The following CRLF3 variants were observed in gnomAD, a reference collection of about 807,000 sequenced individuals.
CRLF3 encodes cytokine receptor like factor 3, also known as cytokine receptor-like factor 3.
In CRLF3, 33 loss-of-function variants were observed where a neutral mutation model predicts 55.0. The ratio of observed to expected loss-of-function variants is 0.60; its 90% CI spans 0.46 to 0.80. The LOEUF (loss-of-function observed/expected upper bound fraction) is 0.80, where lower values mean the gene tolerates loss of function less well. CRLF3 is among the 30% of genes least tolerant of loss of function. CRLF3 has a pLI of 0.00. For missense variants in CRLF3, 494 were observed against 538.4 expected, an observed-to-expected ratio of 0.92 and a Z score of 0.82; for synonymous variants, 238 against 196.8, an observed-to-expected ratio of 1.21 and a Z score of -1.75.
chr17:30,824,223 C>T (rs539498153), intron 1 of CRLF3, among the ~76,000 whole-genome samples: 1 of 151,894 alleles, frequency 6.6e-6, no homozygotes, highest in Non-Finnish European at 1.5e-5. Context: ...ATGACCCCCT[C>T]GGATTCTGCT....
At chr17:30,804,244 A>G in intron 1 of CRLF3, 136 bp from the exon 2 acceptor site, 4 of 647,258 alleles carry the variant, frequency 6.2e-6, no homozygotes, top group Non-Finnish European at 1.1e-5. Flanking sequence ...CTGAAATTAT[A>G]TTTAAGGTGT....
At chr17:30,788,100 G>T (rs370963976) in intron 6 of CRLF3, among the ~76,000 whole-genome samples, 1 of 151,958 alleles carries the variant, frequency 6.6e-6, no homozygotes, top group African/African-American at 2.4e-5. Context: ...AGGCCGAGGT[G>T]GGCGGATCAC....
At chr17:30,789,853 G>A (rs1971748606) in intron 6 of CRLF3, among the ~76,000 whole-genome samples, 1 of 152,142 alleles carries the variant, frequency 6.6e-6, no homozygotes, top group Admixed American at 6.6e-5. Flanking sequence ...CTCTGTCATT[G>A]CACAGAAATA....
chr17:30,793,772 C>G (rs1971860954), intron 4 of CRLF3, 100 bp from the exon 5 acceptor site: 2 of 712,674 alleles, frequency 2.8e-6, no homozygotes, highest in Admixed American at 5.0e-5. Flanking sequence ...ACCAAGCAGA[C>G]AGGCCCACAT....
intron 4 of CRLF3, among the ~76,000 whole-genome samples, chr17:30,795,308 C>A (rs1353461204): frequency 6.8e-6 from 1 of 147,842 alleles, no homozygotes; most frequent in African/African-American, 2.5e-5. Context: ...TGGAGAAACT[C>A]TGTCTCTACT....
At chr17:30,812,844 G>C (rs1346322082) in intron 1 of CRLF3, among the ~76,000 whole-genome samples, 1 of 152,164 alleles carries the variant, frequency 6.6e-6, no homozygotes, top group African/African-American at 2.4e-5. Flanking sequence ...GAGAGGACAA[G>C]GGGAAAGAGA....
At chr17:30,820,715 C>T (rs1441452263) in intron 1 of CRLF3, among the ~76,000 whole-genome samples, 1 of 151,376 alleles carries the variant, frequency 6.6e-6, no homozygotes, top group East Asian at 1.9e-4. Flanking sequence ...TCTCTTGAAC[C>T]CAAGAGGCGG....
At chr17:30,808,692 AAGC>A (rs1390285352) in intron 1 of CRLF3, among the ~76,000 whole-genome samples, 1 of 151,968 alleles carries the variant, frequency 6.6e-6, no homozygotes, top group African/African-American at 2.4e-5. Flanking sequence ...TCCCAGGTTC[AAGC>A]AGTTCTCCTG....
chr17:30,812,427 A>G (rs1040174600), intron 1 of CRLF3, among the ~76,000 whole-genome samples: 4 of 152,204 alleles, frequency 2.6e-5, no homozygotes, highest in Non-Finnish European at 1.5e-5. Context: ...GAAACTGGCC[A>G]TATCACAAAG....
chr17:30,824,214 T>C (rs1383450926), intron 1 of CRLF3, among the ~76,000 whole-genome samples: 2 of 151,634 alleles, frequency 1.3e-5, no homozygotes, highest in African/African-American at 4.8e-5. Flanking sequence ...ACTACCCGCA[T>C]GACCCCCTCG....
chr17:30,811,389 G>A (rs1904614854), intron 1 of CRLF3, among the ~76,000 whole-genome samples: 2 of 151,936 alleles, frequency 1.3e-5, no homozygotes, highest in African/African-American at 4.8e-5. Context: ...AGGAGGTGGA[G>A]GTTGCAGTGA....
chr17:30,794,141 T>G (rs2142253410), intron 4 of CRLF3, among the ~76,000 whole-genome samples: 1 of 152,268 alleles, frequency 6.6e-6, no homozygotes, highest in Non-Finnish European at 1.5e-5. Context: ...GGCTCCCTTC[T>G]TTTCTTTATT....
intron 7 of CRLF3, among the ~76,000 whole-genome samples, chr17:30,785,403 G>C (rs1205595128): frequency 6.6e-6 from 1 of 151,936 alleles, no homozygotes; most frequent in Non-Finnish European, 1.5e-5. Flanking sequence ...AAGAGCACTA[G>C]GGATGTAGAC....
At chr17:30,792,136 C>T (rs1012313508) in intron 6 of CRLF3, among the ~76,000 whole-genome samples, 21 of 152,194 alleles carry the variant, frequency 1.4e-4, no homozygotes, top group Admixed American at 2.0e-4. Flanking sequence ...GTGTGAACCA[C>T]TATGCCCAGC....
intron 1 of CRLF3, among the ~76,000 whole-genome samples, chr17:30,816,485 T>TTTA (rs1567668843): frequency 6.8e-6 from 1 of 147,058 alleles, no homozygotes; most frequent in Non-Finnish European, 1.5e-5. Context: ...ATCTTCTTTC[T>TTTA]TTCTTTTTTT....
intron 6 of CRLF3, among the ~76,000 whole-genome samples, chr17:30,789,450 ATAAGAGG>A (rs1469802204): frequency 6.6e-6 from 1 of 152,240 alleles, no homozygotes; most frequent in Non-Finnish European, 1.5e-5. Flanking sequence ...GTGAAAGGTC[ATAAGAGG>A]TAAAAGTTAA....
At position 30,824,672 on chromosome 17, in the gene CRLF3, A is replaced by T. The variant is rs771223233; in HGVS notation, c.-21T>A. On this transcript the variant is annotated 5_prime_UTR_variant, in exon 1 of 8. Transcript: ENST00000324238. ...CTCATCTGGCCGCGCGGCCGGCGAA[A>T]CCTAGCGCGGGTTCCCGACTGCACC... The T allele has an allele frequency of 6.3e-7, 1 of 1,582,298 alleles. No homozygotes were observed. Among genetic ancestry groups the T allele is most frequent in the South Asian group, 1.1e-5 (1 of 88,820 alleles).
At chr17:30,784,591 G>A in intron 7 of CRLF3, 148 bp from the exon 8 acceptor site, 2 of 666,662 alleles carry the variant, frequency 3.0e-6, no homozygotes, top group South Asian at 3.9e-5. Context: ...TTAGAGTTCT[G>A]TCCAGGGTTG....
intron 5 of CRLF3, among the ~76,000 whole-genome samples, 166 bp downstream of exon 5, chr17:30,793,284 C>T (rs558529589): frequency 6.6e-6 from 1 of 151,890 alleles, no homozygotes; most frequent in Non-Finnish European, 1.5e-5. Context: ...CTGATGAAAA[C>T]AAAAATCACA....
Sources: gnomAD v4.1 joint callset for allele counts (sites outside exome capture counted in the v4.1 genomes callset) on GRCh38, gnomAD v4.1.1 for gene constraint, MANE v1.5 for transcripts, NCBI Gene and HGNC (gene_info 2026-07-23, HGNC 2026-07-21) for gene names.